PITPNA: variants seen among roughly 807,000 people sequenced by gnomAD.
The protein encoded by PITPNA is phosphatidylinositol transfer protein alpha.
In PITPNA, 13 loss-of-function variants were observed where a neutral mutation model predicts 50.3. The observed-to-expected ratio is 0.26, with a 90% confidence interval of 0.17 to 0.41. The LOEUF is 0.41. Ranked by LOEUF, PITPNA falls within the 10% of genes least tolerant of loss-of-function variation. The probability of loss-of-function intolerance (pLI) is 1.00; values close to 1 mark genes in which losing one functional copy is unlikely to be tolerated. For missense variants in PITPNA, 207 were observed against 333.4 expected, an observed-to-expected ratio of 0.62 and a Z score of 2.95; for synonymous variants, 120 against 119.6, an observed-to-expected ratio of 1.00 and a Z score of -0.02.
At chr17:1,547,385 C>T (rs1010836136) in intron 4 of PITPNA, among the ~76,000 whole-genome samples, 2 of 151,926 alleles carry the variant, frequency 1.3e-5, no homozygotes, top group African/African-American at 4.8e-5. Context: ...AATTAGTAAT[C>T]ATATTAGTAA....
At position 1,541,545 on chromosome 17, in the gene PITPNA, CT is replaced by C; in HGVS notation, c.372+20del. The C allele has an allele frequency of 1.3e-6, 2 of 1,586,724 alleles. No homozygotes were observed. The highest frequency in any genetic ancestry group is 1.7e-6 in the Non-Finnish European group (2 of 1,155,166). On this transcript the variant is annotated intron_variant, in intron 6 of 11. Coordinates refer to ENST00000313486, the MANE Select transcript of PITPNA (RefSeq NM_006224.4). ...GAGACTCAAGACCTCACCCCTGGGG[CT>C]TTTGGGAACTACTACTCACATTCTC...
chr17:1,529,800 A>T (rs1008698786), intron 10 of PITPNA, among the ~76,000 whole-genome samples: 2 of 151,708 alleles, frequency 1.3e-5, no homozygotes, highest in African/African-American at 4.8e-5. Flanking sequence ...GGTTGCAATG[A>T]GCCAAGATTG....
intron 5 of PITPNA, among the ~76,000 whole-genome samples, chr17:1,542,516 C>T (rs1006471920): frequency 1.3e-5 from 2 of 152,204 alleles, no homozygotes; most frequent in African/African-American, 4.8e-5. Flanking sequence ...TCAGCAGGAA[C>T]CAGTTTCCCA....
intron 7 of PITPNA, chr17:1,535,782 T>G: frequency 2.1e-6 from 1 of 474,340 alleles, no homozygotes; most frequent in Non-Finnish European, 3.8e-6. Context: ...GGCACATATT[T>G]ACCGTGTTGA....
chr17:1,558,769 A>ACCCCCCCCCCCCCCCCCCC (rs147366133), intron 1 of PITPNA, among the ~76,000 whole-genome samples: 11 of 22,692 alleles, frequency 4.8e-4, no homozygotes, highest in Non-Finnish European at 5.9e-4. Flanking sequence ...CTGTGACAAC[A>ACCCCCCCCCCCCCCCCCCC]CCCCCCCCCC....
chr17:1,537,770 T>G (rs1418285854), intron 7 of PITPNA, among the ~76,000 whole-genome samples: 1 of 152,126 alleles, frequency 6.6e-6, no homozygotes, highest in Non-Finnish European at 1.5e-5. Context: ...GGTTTTTATA[T>G]CTTTTCGGAA....
chr17:1,548,580 G>A (rs969403453), intron 3 of PITPNA, among the ~76,000 whole-genome samples, 193 bp from the exon 4 acceptor site: 2 of 152,038 alleles, frequency 1.3e-5, no homozygotes, highest in African/African-American at 4.8e-5. Flanking sequence ...ACACACCCAC[G>A]ACGTGCCCCA....
chr17:1,527,897 G>A (rs118186499), intron 10 of PITPNA, among the ~76,000 whole-genome samples: 6,260 of 152,324 alleles, frequency 0.041, 202 homozygotes, highest in Non-Finnish European at 0.063. Flanking sequence ...CAGAAATGAA[G>A]CTGGCTGGGT....
At chr17:1,532,009 A>C (rs1239965692) in intron 10 of PITPNA, among the ~76,000 whole-genome samples, 2 of 152,118 alleles carry the variant, frequency 1.3e-5, no homozygotes, top group Non-Finnish European at 2.9e-5. Context: ...AGTTTCTTCT[A>C]TTTGCAGTTA....
At position 1,538,946 on chromosome 17, in the gene PITPNA, T is replaced by C; in HGVS notation, c.379A>G (p.Lys127Glu). ...TGTTTCCACGCCTCAGGCTCCAGCT[T>C]ATGCACCTGTGGGAACAAGTGGGGA... is the stretch of plus-strand genomic sequence containing the variant. ...PDLGTQENVH[K>E]LEPEAWKHVE... The change falls in exon 7 of 12, where the codon AAG becomes GAG. Residue 127 changes from lysine (K) to glutamate (E), a missense_variant. Transcript: ENST00000313486. 6.2e-7 allele frequency: 1 copy of C among 1,612,200 alleles called. No homozygotes were observed. Among genetic ancestry groups the C allele is most frequent in the Non-Finnish European group, 8.5e-7 (1 of 1,178,360 alleles).
chr17:1,539,298 A>G (rs1280705926), intron 6 of PITPNA, among the ~76,000 whole-genome samples: 1 of 151,674 alleles, frequency 6.6e-6, no homozygotes, highest in Non-Finnish European at 1.5e-5. Flanking sequence ...CTACTGTCTC[A>G]GCCTCCTGCC....
intron 10 of PITPNA, among the ~76,000 whole-genome samples, chr17:1,533,585 A>T (rs2075596863): frequency 6.6e-6 from 1 of 152,226 alleles, no homozygotes; most frequent in African/African-American, 2.4e-5. Flanking sequence ...CTCCTAAGGA[A>T]CAGGGAACCC....
intron 1 of PITPNA, among the ~76,000 whole-genome samples, chr17:1,560,788 G>C (rs189645261): frequency 6.6e-6 from 1 of 152,178 alleles, no homozygotes; most frequent in South Asian, 2.1e-4. Context: ...GAAAAGCTCC[G>C]AGCCCTGGCT....
intron 10 of PITPNA, among the ~76,000 whole-genome samples, chr17:1,532,385 C>T (rs1444135816): frequency 2.0e-5 from 3 of 151,560 alleles, no homozygotes; most frequent in African/African-American, 4.9e-5. Context: ...CCGTGCCTGG[C>T]CGAGAAAGAT....
intron 2 of PITPNA, 44 bp downstream of exon 2, chr17:1,558,485 A>T: frequency 1.5e-6 from 2 of 1,368,064 alleles, no homozygotes; most frequent in East Asian, 4.6e-5. Context: ...CAATGGTCAC[A>T]AACAGTTACA....
At chr17:1,546,030 C>T (rs2075672512) in intron 4 of PITPNA, among the ~76,000 whole-genome samples, 1 of 150,242 alleles carries the variant, frequency 6.7e-6, no homozygotes, top group African/African-American at 2.5e-5. Flanking sequence ...CAGGTTCAAG[C>T]GATTCTCCTG....
chr17:1,551,501 C>A (rs1292987157), intron 3 of PITPNA, among the ~76,000 whole-genome samples: 6 of 152,030 alleles, frequency 3.9e-5, no homozygotes, highest in Non-Finnish European at 7.3e-5. Context: ...CTATGTTGCC[C>A]AGGCTGGTCT....
intron 7 of PITPNA, among the ~76,000 whole-genome samples, chr17:1,536,804 G>A (rs1017810362): frequency 7.3e-5 from 11 of 151,488 alleles, no homozygotes; most frequent in Non-Finnish European, 1.6e-4. Context: ...TGTTGGCCAG[G>A]CTGGTCTCAA....
At chr17:1,555,199 C>T (rs1023977076) in intron 2 of PITPNA, among the ~76,000 whole-genome samples, 2 of 152,174 alleles carry the variant, frequency 1.3e-5, no homozygotes, top group Non-Finnish European at 2.9e-5. Flanking sequence ...TAATCGCCTT[C>T]ATTTGGTTTC....
Sources: gnomAD v4.1 joint callset for allele counts (sites outside exome capture counted in the v4.1 genomes callset) on GRCh38, gnomAD v4.1.1 for gene constraint, MANE v1.5 for transcripts, NCBI Gene and HGNC (gene_info 2026-07-23, HGNC 2026-07-21) for gene names.